SGCZ: variants seen among roughly 807,000 people sequenced by gnomAD.
The protein encoded by SGCZ is zeta-sarcoglycan.
Under a neutral mutation model 41.3 loss-of-function variants are expected in SGCZ, and 40 were observed. The observed-to-expected ratio is 0.97, with a 90% CI of 0.75 to 1.26. SGCZ has a LOEUF of 1.26. Ranked by LOEUF, SGCZ falls within the 50% of genes most tolerant of loss-of-function variation. SGCZ has a pLI of 0.00. For synonymous variants in SGCZ, 206 were observed against 137.5 expected (o/e 1.50, Z -3.49); for missense variants, 552 against 369.8 (o/e 1.49, Z -4.04).
intron 1 of SGCZ, among the ~76,000 whole-genome samples, chr8:14,561,692 C>T (rs531547225): frequency 2.0e-5 from 3 of 152,116 alleles, no homozygotes; most frequent in Non-Finnish European, 2.9e-5. Context: ...AATGAGTATC[C>T]GCATTGCTTA....
intron 3 of SGCZ, among the ~76,000 whole-genome samples, chr8:14,266,445 T>C (rs1341820752): frequency 1.3e-5 from 2 of 151,870 alleles, no homozygotes; most frequent in African/African-American, 4.8e-5. Context: ...TCTCAAGACA[T>C]GATATTTGCA....
At position 14,332,635 on chromosome 8, in the gene SGCZ, T is replaced by G. The variant is rs113167596; in HGVS notation, c.235-8431A>C. 5.3e-5 allele frequency: 8 copies of G among 152,034 alleles called. 2 individuals are homozygous for G. Among genetic ancestry groups the G allele is most frequent in the African/African-American group, 1.9e-4 (8 of 41,510 alleles). The allele number at this position is 152,034 out of a possible 1,614,324, so 9.4% of individuals were successfully genotyped here. On this transcript the variant is annotated intron_variant, in intron 2 of 7. Transcript: ENST00000382080. Reference sequence around the variant, plus strand: ...TCAAAATCCTTCTACTCTTTTCCCCTTCTCACTACGGTACTTGAATAGCCT... The same window carrying G: ...TCAAAATCCTTCTACTCTTTTCCCCGTCTCACTACGGTACTTGAATAGCCT...
chr8:14,092,401 C>T (rs985233733), intron 7 of SGCZ, among the ~76,000 whole-genome samples: 1 of 151,986 alleles, frequency 6.6e-6, no homozygotes, highest in African/African-American at 2.4e-5. Flanking sequence ...CTATAAATTA[C>T]TTTGGGCAGT....
chr8:14,670,946 C>T (rs945454033), intron 1 of SGCZ, among the ~76,000 whole-genome samples: 1 of 152,190 alleles, frequency 6.6e-6, no homozygotes, highest in Non-Finnish European at 1.5e-5. Context: ...AAGCCAAGAA[C>T]AGCTATCACT....
At chr8:14,842,451 AAAAGGGAAAAGGAAAG>A (rs1161740561) in intron 1 of SGCZ, among the ~76,000 whole-genome samples, 1 of 120,302 alleles carries the variant, frequency 8.3e-6, no homozygotes, top group Non-Finnish European at 2.0e-5. Flanking sequence ...ACAGGACAGG[AAAAGGGAAAAGGAAAG>A]AAGGAAGAAA....
chr8:14,395,812 T>C (rs1314672418), intron 2 of SGCZ, among the ~76,000 whole-genome samples: 1 of 152,184 alleles, frequency 6.6e-6, no homozygotes, highest in African/African-American at 2.4e-5. Flanking sequence ...CCCAAAGTTA[T>C]CTGGCACATA....
chr8:14,105,335 C>A (rs529681440), intron 6 of SGCZ, among the ~76,000 whole-genome samples: 5 of 152,182 alleles, frequency 3.3e-5, no homozygotes, highest in South Asian at 2.1e-4. Flanking sequence ...TATTAATAAA[C>A]TTTTGAAATG....
At chr8:14,281,001 A>G (rs1004627937) in intron 3 of SGCZ, among the ~76,000 whole-genome samples, 1 of 151,904 alleles carries the variant, frequency 6.6e-6, no homozygotes, top group Non-Finnish European at 1.5e-5. Context: ...AGCATTTCAG[A>G]TCAGACAAAT....
chr8:14,443,555 T>TG (rs1480641655), intron 2 of SGCZ, among the ~76,000 whole-genome samples: 4 of 152,120 alleles, frequency 2.6e-5, no homozygotes, highest in Admixed American at 2.6e-4. Context: ...AAACAAGCAA[T>TG]GGGGAAAGGA....
intron 2 of SGCZ, among the ~76,000 whole-genome samples, chr8:14,429,909 G>T (rs898832): frequency 1 from 152,183 of 152,284 alleles, 76,041 homozygotes; most frequent in Middle Eastern, 1. Context: ...TTCCAGGAAT[G>T]TATCTATCTC....
intron 1 of SGCZ, among the ~76,000 whole-genome samples, chr8:14,944,819 A>C (rs1056024955): frequency 2.6e-5 from 4 of 152,178 alleles, no homozygotes; most frequent in Non-Finnish European, 1.5e-5. Flanking sequence ...TACTGAAGGC[A>C]TATCCCTCTC....
intron 1 of SGCZ, among the ~76,000 whole-genome samples, chr8:14,874,518 T>C (rs544652374): frequency 1.3e-5 from 2 of 152,170 alleles, no homozygotes; most frequent in East Asian, 1.9e-4. Flanking sequence ...CACATAAATA[T>C]TGGCTTAAAT....
chr8:14,747,559 G>T (rs532854811), intron 1 of SGCZ, among the ~76,000 whole-genome samples: 4 of 151,762 alleles, frequency 2.6e-5, no homozygotes, highest in Admixed American at 2.0e-4. Context: ...CAATTTTAAA[G>T]TATTTTTGTA....
intron 2 of SGCZ, among the ~76,000 whole-genome samples, chr8:14,344,605 A>G (rs902094387): frequency 6.6e-6 from 1 of 152,080 alleles, no homozygotes; most frequent in African/African-American, 2.4e-5. Context: ...AAAAGGGGGG[A>G]ACGAAAGGCT....
intron 1 of SGCZ, among the ~76,000 whole-genome samples, chr8:14,640,674 A>G (rs75451944): frequency 1.7e-3 from 196 of 112,616 alleles, no homozygotes; most frequent in African/African-American, 3.8e-3. Context: ...GTGTGTGTGT[A>G]TATATTTGCT....
intron 1 of SGCZ, among the ~76,000 whole-genome samples, chr8:15,120,652 A>T (rs1048341520): frequency 4.6e-5 from 7 of 152,196 alleles, no homozygotes; most frequent in Admixed American, 3.9e-4. Flanking sequence ...TAAAGGTTCC[A>T]TTATGCCCCC....
At chr8:15,150,280 T>TA (rs1213615149) in intron 1 of SGCZ, among the ~76,000 whole-genome samples, 3 of 152,198 alleles carry the variant, frequency 2.0e-5, no homozygotes, top group Admixed American at 6.5e-5. Context: ...TTACAATTGA[T>TA]AAAAAATTAA....
intron 1 of SGCZ, among the ~76,000 whole-genome samples, chr8:15,159,485 G>A (rs1354539044): frequency 1.3e-5 from 2 of 152,084 alleles, no homozygotes; most frequent in Admixed American, 1.3e-4. Context: ...AGCAGTCTTG[G>A]GGACTGAGCC....
At chr8:14,882,438 T>A (rs1256314637) in intron 1 of SGCZ, among the ~76,000 whole-genome samples, 3 of 152,238 alleles carry the variant, frequency 2.0e-5, no homozygotes, top group Admixed American at 2.0e-4. Context: ...CTAGTTAATA[T>A]AAAATTATTT....
Sources: gnomAD v4.1 joint callset for allele counts (sites outside exome capture counted in the v4.1 genomes callset) on GRCh38, gnomAD v4.1.1 for gene constraint, MANE v1.5 for transcripts, NCBI Gene and HGNC (gene_info 2026-07-23, HGNC 2026-07-21) for gene names.